Variants in HIVEP2 observed in about 807,000 individuals in gnomAD.
HIVEP2 encodes transcription factor HIVEP2.
A neutral mutation model predicts 180.7 loss-of-function variants in HIVEP2; 14 were observed. That is an observed-to-expected ratio of 0.08 (90% confidence interval 0.05 to 0.12). HIVEP2 has a LOEUF of 0.12. Among genes scored for constraint, HIVEP2 ranks in the 10% least tolerant of loss-of-function variants. HIVEP2 has a pLI of 1.00. For synonymous variants in HIVEP2, 1,184 were observed against 1,136.4 expected, an observed-to-expected ratio of 1.04 and a Z score of -0.84; for missense variants, 2,579 against 3,008.5, an observed-to-expected ratio of 0.86 and a Z score of 3.34.
chr6:142,819,234 A>G (rs1322492258), intron 2 of HIVEP2, among the ~76,000 whole-genome samples: 1 of 152,188 alleles, frequency 6.6e-6, no homozygotes, highest in Non-Finnish European at 1.5e-5. Flanking sequence ...CAAATTTTAA[A>G]AAAAGAAAAA....
rs765508340 is a variant in HIVEP2, at chr6:142,772,572, T to C, written c.2167A>G (p.Ile723Val). ...TTGGGGTCATAATCGGAAGCCATGA[T>C]GCCCACAGGAGTGCTTACAATGCTG... The part of the protein sequence containing the change: ...CSSIVSTPVG[I>V]MASDYDPKLQ... Residue 723 changes from isoleucine to valine, a missense_variant, in exon 5 of 10, where the codon ATC (isoleucine) becomes GTC (valine). Physicochemically the swap from Ile to Val is conservative, Grantham distance 29. Transcript: ENST00000367603. The surrounding 1 kb of genome is among the most constrained non-coding windows in gnomAD (Gnocchi z 4.9). 5 of 1,614,244 alleles carry C rather than the reference T, an allele frequency of 3.1e-6. No individual in the cohort carries two copies. The highest frequency in any genetic ancestry group is 3.4e-6 in the Non-Finnish European group (4 of 1,180,044).
chr6:142,792,615 G>T (rs1454373323), intron 2 of HIVEP2, among the ~76,000 whole-genome samples: 3 of 152,014 alleles, frequency 2.0e-5, no homozygotes, highest in Non-Finnish European at 2.9e-5. Flanking sequence ...AGCATGCGGG[G>T]CTTAAAACCT....
At chr6:142,803,956 A>G (rs1424979609) in intron 2 of HIVEP2, among the ~76,000 whole-genome samples, 2 of 152,164 alleles carry the variant, frequency 1.3e-5, no homozygotes, top group African/African-American at 4.8e-5. Flanking sequence ...TCAACTTCTA[A>G]GCTGAAAGAG....
At chr6:142,787,434 T>C (rs1776028415) in intron 2 of HIVEP2, among the ~76,000 whole-genome samples, 1 of 152,010 alleles carries the variant, frequency 6.6e-6, no homozygotes, top group Non-Finnish European at 1.5e-5. Context: ...CACTTTACTC[T>C]TATAGTAGGG....
intron 1 of HIVEP2, among the ~76,000 whole-genome samples, chr6:142,919,878 T>C (rs1777645612): frequency 6.6e-6 from 1 of 152,240 alleles, no homozygotes; most frequent in African/African-American, 2.4e-5. Context: ...TGGTCACTGA[T>C]GTGAAAGAGC....
chr6:142,880,730 G>T (rs1463609621), intron 1 of HIVEP2, among the ~76,000 whole-genome samples: 1 of 152,084 alleles, frequency 6.6e-6, no homozygotes, highest in Admixed American at 6.6e-5. Flanking sequence ...CAAGTCCCCA[G>T]GCAAAGTTCG....
intron 1 of HIVEP2, among the ~76,000 whole-genome samples, chr6:142,920,844 A>G (rs1209817823): frequency 3.3e-5 from 5 of 152,112 alleles, no homozygotes; most frequent in Admixed American, 3.3e-4. Flanking sequence ...TTAGCTGGGA[A>G]TCGGAGCACA....
chr6:142,876,172 G>A (rs78369479), intron 1 of HIVEP2, among the ~76,000 whole-genome samples: 2,573 of 152,228 alleles, frequency 0.017, 87 homozygotes, highest in African/African-American at 0.059. Flanking sequence ...AGATGACGAC[G>A]AAGAATGATC....
intron 1 of HIVEP2, among the ~76,000 whole-genome samples, chr6:142,847,101 C>T (rs192180694): frequency 9.6e-4 from 146 of 152,306 alleles, no homozygotes; most frequent in African/African-American, 3.4e-3. Context: ...CAGGGTTATA[C>T]TCCCAGCAGC....
intron 1 of HIVEP2, among the ~76,000 whole-genome samples, chr6:142,882,141 T>C (rs1220196377): frequency 6.6e-6 from 1 of 152,204 alleles, no homozygotes; most frequent in African/African-American, 2.4e-5. Context: ...TAAGCCACTG[T>C]CAATACAATG....
At chr6:142,802,880 T>C (rs1401457499) in intron 2 of HIVEP2, among the ~76,000 whole-genome samples, 1 of 152,208 alleles carries the variant, frequency 6.6e-6, no homozygotes, top group African/African-American at 2.4e-5. Context: ...GCCATGTTTC[T>C]GTAGCTAAGC....
intron 2 of HIVEP2, among the ~76,000 whole-genome samples, chr6:142,831,625 T>C (rs1438959616): frequency 1.3e-5 from 2 of 152,126 alleles, no homozygotes; most frequent in Non-Finnish European, 2.9e-5. Context: ...TTTTCAGAGG[T>C]CAATTATTTT....
chr6:142,931,146 T>G (rs983229539), intron 1 of HIVEP2, among the ~76,000 whole-genome samples: 3 of 152,122 alleles, frequency 2.0e-5, no homozygotes, highest in Non-Finnish European at 4.4e-5. Flanking sequence ...AAGTCATCTG[T>G]GCAGGAAAAT....
intron 1 of HIVEP2, among the ~76,000 whole-genome samples, chr6:142,884,203 T>G (rs1459698941): frequency 6.6e-6 from 1 of 152,126 alleles, no homozygotes; most frequent in Non-Finnish European, 1.5e-5. Context: ...GATCTTGGAA[T>G]GCATCTCATA....
At chr6:142,768,907 A>C (rs1341228847) in intron 5 of HIVEP2, among the ~76,000 whole-genome samples, 3 of 152,186 alleles carry the variant, frequency 2.0e-5, no homozygotes, top group Non-Finnish European at 4.4e-5. Context: ...ATTGAAGGGA[A>C]AATGGTAACT....
intron 7 of HIVEP2, among the ~76,000 whole-genome samples, chr6:142,762,877 C>T (rs1163943865): frequency 1.3e-5 from 2 of 152,160 alleles, no homozygotes; most frequent in Non-Finnish European, 2.9e-5. Flanking sequence ...GGCCCCCACT[C>T]CTCCTATTTA....
chr6:142,931,070 G>A (rs1202451060), intron 1 of HIVEP2, among the ~76,000 whole-genome samples: 1 of 151,962 alleles, frequency 6.6e-6, no homozygotes, highest in African/African-American at 2.4e-5. Flanking sequence ...CTGCATATAG[G>A]TCTACTTGTT....
chr6:142,841,701 T>C (rs1011125187), intron 1 of HIVEP2, among the ~76,000 whole-genome samples: 1 of 152,192 alleles, frequency 6.6e-6, no homozygotes, highest in Non-Finnish European at 1.5e-5. Flanking sequence ...ATTATATACA[T>C]ATGCATCTTT....
intron 1 of HIVEP2, among the ~76,000 whole-genome samples, chr6:142,908,421 C>A (rs1481653721): frequency 1.3e-5 from 2 of 152,128 alleles, no homozygotes; most frequent in Non-Finnish European, 2.9e-5. Context: ...TTTGCATATT[C>A]TGTCTTTTCC....
Sources: gnomAD v4.1 joint callset for allele counts (sites outside exome capture counted in the v4.1 genomes callset) on GRCh38, gnomAD v4.1.1 for gene constraint, Gnocchi (gnomAD v3.1) non-coding constraint, MANE v1.5 for transcripts, NCBI Gene and HGNC (gene_info 2026-07-23, HGNC 2026-07-21) for gene names.